Variants in DNAAF4 observed in about 807,000 individuals in gnomAD.
DNAAF4 encodes the protein dynein assembly factor 4, axonemal.
DNAAF4 carries 43 observed loss-of-function variants against 51.8 expected under a neutral mutation model. That is an observed-to-expected ratio of 0.83 (90% CI 0.65 to 1.07). DNAAF4 has a LOEUF of 1.07. Ranked by LOEUF, DNAAF4 falls within the 50% of genes least tolerant of loss-of-function variation. The pLI is 0.00. For synonymous variants in DNAAF4, 194 were observed against 165.6 expected, an observed-to-expected ratio of 1.17 and a Z score of -1.32; for missense variants, 581 against 493.0, an observed-to-expected ratio of 1.18 and a Z score of -1.69.
At position 55,498,337 on chromosome 15, in the gene DNAAF4, G is replaced by C; in HGVS notation, c.-8C>G. On this transcript the variant is annotated 5_prime_UTR_variant, in exon 2 of 10. Coordinates refer to ENST00000321149, the MANE Select transcript of DNAAF4 (RefSeq NM_130810.4). ...GCTAACCTGAAGAGGCATTCCGGTA[G>C]CAACGGGAGCGGATAGCGCGGCTGG... 4 of 1,596,796 alleles carry C rather than the reference G, an allele frequency of 2.5e-6. No homozygotes were observed. The highest frequency in any genetic ancestry group is 3.4e-6 in the Non-Finnish European group (4 of 1,169,780).
chr15:55,432,501 T>C lies in DNAAF4; in HGVS notation c.1149A>G (p.Val383=). 6.2e-7 allele frequency: 1 copy of C among 1,609,866 alleles called. No individual in the cohort carries two copies. The highest frequency in any genetic ancestry group is 8.5e-7 in the Non-Finnish European group (1 of 1,177,362). The change falls in exon 9 of 10, where the codon GTA becomes GTG. Residue 383 remains valine, a synonymous_variant. Transcript: ENST00000321149. ...GTAFCQLELY[V]EGLQDYEAAL... is the part of the protein sequence containing the mutation. ...CCATTTCTATCAATTCCTTACCTTC[T>C]ACATACAATTCTAGTTGACAGAATG... is the stretch of plus-strand genomic sequence containing the variant.
At chr15:55,483,595 C>A (rs923910443) in intron 4 of DNAAF4, among the ~76,000 whole-genome samples, 1 of 152,004 alleles carries the variant, frequency 6.6e-6, no homozygotes, top group Non-Finnish European at 1.5e-5. Context: ...GGCTGGAATA[C>A]AGTGGCACAA....
chr15:55,433,251 G>A (rs2057524964), intron 8 of DNAAF4, among the ~76,000 whole-genome samples: 1 of 151,884 alleles, frequency 6.6e-6, no homozygotes, highest in African/African-American at 2.4e-5. Flanking sequence ...AATAAGCCAA[G>A]AACGCACCAC....
intron 8 of DNAAF4, among the ~76,000 whole-genome samples, chr15:55,433,915 T>TATATA (rs1567000464): frequency 2.2e-3 from 22 of 10,054 alleles, no homozygotes; most frequent in South Asian, 5.2e-3. Flanking sequence ...TATATATAAT[T>TATATA]ATATATATTA....
At chr15:55,434,230 T>C (rs920941781) in intron 8 of DNAAF4, among the ~76,000 whole-genome samples, 5 of 149,562 alleles carry the variant, frequency 3.3e-5, no homozygotes, top group Non-Finnish European at 7.4e-5. Context: ...TGGGCTTTTG[T>C]ATTCAGATTG....
At chr15:55,418,662 A>C in intron 7 of DNAAF4, 1 of 901,836 alleles carries the variant, frequency 1.1e-6, no homozygotes, top group Non-Finnish European at 1.6e-6. Flanking sequence ...GAAGATAAAA[A>C]GTTTTGAATC....
intron 4 of DNAAF4, among the ~76,000 whole-genome samples, chr15:55,477,145 C>G (rs537559222): frequency 5.9e-4 from 89 of 151,546 alleles, no homozygotes; most frequent in African/African-American, 2.1e-3. Context: ...GTACTCCAGC[C>G]TGGGCAACAG....
chr15:55,466,543 A>C (rs2058173258), intron 5 of DNAAF4, among the ~76,000 whole-genome samples: 1 of 152,228 alleles, frequency 6.6e-6, no homozygotes, highest in African/African-American at 2.4e-5. Flanking sequence ...AAGTGATGTG[A>C]GGAAAAGGTC....
At chr15:55,434,707 C>T (rs2057579932) in intron 8 of DNAAF4, among the ~76,000 whole-genome samples, 198 bp downstream of exon 8, 1 of 151,408 alleles carries the variant, frequency 6.6e-6, no homozygotes, top group African/African-American at 2.4e-5. Context: ...ACTAACTATT[C>T]ATAGAAGTCA....
intron 4 of DNAAF4, among the ~76,000 whole-genome samples, chr15:55,483,842 T>TC (rs1567028716): frequency 1.7e-5 from 1 of 58,426 alleles, no homozygotes; most frequent in Non-Finnish European, 4.4e-5. Context: ...GCTTTTTTTT[T>TC]TTTTTTTTTT....
At chr15:55,439,858 C>T (rs1242744859) in intron 6 of DNAAF4, among the ~76,000 whole-genome samples, 1 of 152,098 alleles carries the variant, frequency 6.6e-6, no homozygotes, top group Admixed American at 6.6e-5. Flanking sequence ...AGAAAGAGAT[C>T]AGAGCTCCCC....
rs1179405816 is a variant in DNAAF4, at chr15:55,423,162, C to G, written c.1048-5029G>C. Among the ~76,000 whole-genome samples the G allele has an allele frequency of 4.0e-5, 3 of 74,772 alleles. No individual in the cohort carries two copies. In the Admixed American group the frequency reaches 6.5e-4, roughly 16 times the overall value. 49.1% of individuals were successfully genotyped at this position (74,772 alleles called of 152,430 possible). A position where few individuals can be genotyped will look rare whatever the true frequency, so the allele number is the denominator to read the frequency against. ...AATGGGGCAATAGCTAGATGTAGAGCCAAAAGTTTTTTTTTTTTTAAGATA... is the reference window on the plus strand; with the variant it reads ...AATGGGGCAATAGCTAGATGTAGAGGCAAAAGTTTTTTTTTTTTTAAGATA... On this transcript the variant is annotated intron_variant, in intron 7 of 7. Transcript: ENST00000448430.
At chr15:55,448,806 C>T (rs2057883891) in intron 6 of DNAAF4, among the ~76,000 whole-genome samples, 2 of 150,632 alleles carry the variant, frequency 1.3e-5, no homozygotes, top group African/African-American at 4.9e-5. Flanking sequence ...GGAGGTGGAG[C>T]TTGCAGTGAG....
intron 5 of DNAAF4, among the ~76,000 whole-genome samples, chr15:55,457,600 C>A (rs139073532): frequency 1.3e-5 from 2 of 152,154 alleles, no homozygotes; most frequent in Admixed American, 6.5e-5. Flanking sequence ...TGGAGCCCAA[C>A]GAACTCAAGC....
At chr15:55,459,981 C>T (rs1226846495) in intron 5 of DNAAF4, among the ~76,000 whole-genome samples, 2 of 151,734 alleles carry the variant, frequency 1.3e-5, no homozygotes, top group African/African-American at 2.4e-5. Context: ...GGATTACAGG[C>T]GTGAGCCACT....
chr15:55,506,307 A>G (rs986848127), intron 1 of DNAAF4, among the ~76,000 whole-genome samples: 1 of 152,182 alleles, frequency 6.6e-6, no homozygotes, highest in Non-Finnish European at 1.5e-5. Flanking sequence ...ATAACCAGCA[A>G]TTCCACTCCT....
At position 55,501,098 on chromosome 15, in the gene DNAAF4, T is replaced by G. The variant is rs552172686; in HGVS notation, c.-255-2514A>C. 1.6e-4 allele frequency among the ~76,000 whole-genome samples: 24 copies of G among 151,198 alleles called. No homozygotes were observed. The South Asian group carries it at 4.8e-3, about 30-fold the overall frequency. ...GTTGTTTTTTCAGACGGAGTCTCACTCTCTCACCAGGCTGGAGTGCAGTGG... is the reference window on the plus strand; with the variant it reads ...GTTGTTTTTTCAGACGGAGTCTCACGCTCTCACCAGGCTGGAGTGCAGTGG... On this transcript the variant is annotated intron_variant, in intron 1 of 9. Coordinates refer to ENST00000321149, the MANE Select transcript of DNAAF4 (RefSeq NM_130810.4).
intron 6 of DNAAF4, among the ~76,000 whole-genome samples, chr15:55,446,297 G>GGGGGA (rs2057810693): frequency 2.3e-5 from 1 of 42,676 alleles, no homozygotes. Context: ...CATCCCAGAC[G>GGGGGA]GGGGGGGGGG....
intron 4 of DNAAF4, among the ~76,000 whole-genome samples, chr15:55,473,293 A>ATG (rs574295730): frequency 0.011 from 382 of 34,400 alleles, 3 homozygotes; most frequent in African/African-American, 0.031. Context: ...GTGTATATAT[A>ATG]TGTGTATATA....
Sources: allele counts gnomAD v4.1 joint callset (sites outside exome capture counted in the v4.1 genomes callset), GRCh38; gene constraint gnomAD v4.1.1; transcripts MANE v1.5; gene names NCBI Gene and HGNC (gene_info 2026-07-23, HGNC 2026-07-21).